IL31RA: variants seen among roughly 807,000 people sequenced by gnomAD.
IL31RA encodes interleukin 31 receptor A, also known as interleukin-31 receptor subunit alpha.
A neutral mutation model predicts 83.7 loss-of-function variants in IL31RA; 66 were observed. The ratio of observed to expected loss-of-function variants is 0.79; its 90% CI spans 0.65 to 0.97. The LOEUF is 0.97. Ranked by LOEUF, IL31RA falls within the 50% of genes least tolerant of loss-of-function variation. The pLI, the probability that IL31RA is intolerant of heterozygous loss-of-function variation, is 0.00. For synonymous variants in IL31RA, 325 were observed against 329.0 expected (o/e 0.99, Z 0.13); for missense variants, 798 against 919.4 (o/e 0.87, Z 1.71).
Position 55,906,185 on chromosome 5 carries a change from C to G in IL31RA, c.1149C>G (p.Asp383Glu). ...TGAAGTGGCAAAGCTCTGCTCTAGA[C>G]GTGAACACTTGGATGATTGAATGGT... ...LVVKWQSSAL[D>E]VNTWMIEWFP... Residue 383 changes from aspartate to glutamate, a missense_variant, in exon 9 of 15, where the codon GAC (aspartate) becomes GAG (glutamate). Coordinates refer to ENST00000652347, the MANE Select transcript of IL31RA (RefSeq NM_139017.7). The G allele has an allele frequency of 6.2e-7, 1 of 1,614,024 alleles. No individual in the cohort carries two copies. Among genetic ancestry groups the G allele is most frequent in the African/African-American group, 1.3e-5 (1 of 74,934 alleles).
intron 2 of IL31RA, among the ~76,000 whole-genome samples, chr5:55,867,219 GTT>G (rs1410538212): frequency 1.9e-4 from 24 of 123,364 alleles, no homozygotes; most frequent in African/African-American, 3.5e-4. Context: ...GCGCATGTGT[GTT>G]TGTGTGTGTG....
chr5:55,889,704 A>G (rs1243673448), intron 5 of IL31RA, among the ~76,000 whole-genome samples: 3 of 152,208 alleles, frequency 2.0e-5, no homozygotes, highest in Non-Finnish European at 4.4e-5. Flanking sequence ...CACCCAGACC[A>G]GGCCAGAGGC....
chr5:55,868,281 G>A (rs1306305423), intron 2 of IL31RA, among the ~76,000 whole-genome samples: 1 of 152,172 alleles, frequency 6.6e-6, no homozygotes, highest in Non-Finnish European at 1.5e-5. Context: ...ATGGGGTGGG[G>A]AGCTCTCAGG....
chr5:55,887,917 G>A (rs1747733262), intron 5 of IL31RA, among the ~76,000 whole-genome samples: 1 of 151,702 alleles, frequency 6.6e-6, no homozygotes, highest in African/African-American at 2.4e-5. Flanking sequence ...CGGCGTGGTG[G>A]TGCGGACCTG....
intron 6 of IL31RA, among the ~76,000 whole-genome samples, chr5:55,893,996 G>A (rs144082640): frequency 6.6e-6 from 1 of 151,766 alleles, no homozygotes; most frequent in Admixed American, 6.6e-5. Flanking sequence ...CTAAATCCAA[G>A]AAGAATTTCA....
chr5:55,908,552 G>A, intron 11 of IL31RA, 141 bp downstream of exon 11: 1 of 1,572,316 alleles, frequency 6.4e-7, no homozygotes, highest in South Asian at 1.2e-5. Flanking sequence ...AAATCTCTCT[G>A]AAAATGGGGC....
chr5:55,865,483 C>A (rs1745998510), intron 2 of IL31RA, among the ~76,000 whole-genome samples: 1 of 152,094 alleles, frequency 6.6e-6, no homozygotes, highest in Non-Finnish European at 1.5e-5. Context: ...GTTCATAGAC[C>A]AAATACATGA....
chr5:55,920,309 T>TC lies in IL31RA; in HGVS notation c.*3191dup, dbSNP rs1750028203. Among the ~76,000 whole-genome samples the TC allele has an allele frequency of 6.6e-6, 1 of 152,220 alleles. No homozygotes were observed. The highest frequency in any genetic ancestry group is 1.5e-5 in the Non-Finnish European group (1 of 68,030). On this transcript the variant is annotated 3_prime_UTR_variant, in exon 15 of 15. Coordinates refer to ENST00000652347, the MANE Select transcript of IL31RA (RefSeq NM_139017.7). Reference sequence around the variant, plus strand: ...CCATTTCCAGCACGCCCCTAGTTACTCCTGCTGCAGCAGGCACCCTGCCAC... The same window carrying TC: ...CCATTTCCAGCACGCCCCTAGTTACTCCCTGCTGCAGCAGGCACCCTGCCAC...
Position 55,919,636 on chromosome 5 carries a change from T to G in IL31RA, c.*2516T>G, listed in dbSNP as rs960605192. Among the ~76,000 whole-genome samples, 1 of 152,196 alleles carries G rather than the reference T, an allele frequency of 6.6e-6. No homozygotes were observed. Among genetic ancestry groups the G allele is most frequent in the Non-Finnish European group, 1.5e-5 (1 of 68,040 alleles). ...TTTCTCCCCTTCCATCAGCCTCCTT[T>G]GATCATTTTCCATGGTTTTATTACC... On this transcript the variant is annotated 3_prime_UTR_variant, in exon 15 of 15. Coordinates refer to ENST00000652347, the MANE Select transcript of IL31RA (RefSeq NM_139017.7).
At chr5:55,884,379 G>A (rs1747448765) in intron 5 of IL31RA, among the ~76,000 whole-genome samples, 1 of 152,146 alleles carries the variant, frequency 6.6e-6, no homozygotes, top group South Asian at 2.1e-4. Flanking sequence ...ATATTCTGCA[G>A]TTTCCATCAA....
rs1409742964 is a variant in IL31RA, at chr5:55,903,948, C to T, written c.1070-2158C>T. On this transcript the variant is annotated intron_variant, in intron 8 of 14. Transcript: ENST00000652347. The surrounding 1 kb of genome is among the most constrained non-coding windows in gnomAD (Gnocchi z 4.7). The stretch of plus-strand genomic sequence containing the variant: ...CTAAAGTCTCTAGGGGAGAATCCTT[C>T]CTTACCCCTTCCAGCTTGTAGTGGC... Among the ~76,000 whole-genome samples, 1 of 152,170 alleles carries T rather than the reference C, an allele frequency of 6.6e-6. No individual in the cohort carries two copies. The highest frequency in any genetic ancestry group is 1.5e-5 in the Non-Finnish European group (1 of 68,038).
In IL31RA at chr5:55,917,014, A is replaced by T; in HGVS notation, c.2189A>T (p.His730Leu). ...TCTGGTCAAAGTTTAGTACCAGATC[A>T]TCTGTGTGAGGAAGGAGCCCCAAAT... Reference protein sequence around the residue: ...LFSGQSLVPDHLCEEGAPNPY... With the variant: ...LFSGQSLVPDLLCEEGAPNPY... The change falls in exon 15 of 15, where the codon CAT becomes CTT. Residue 730 changes from histidine (H) to leucine (L), a missense_variant. Transcript: ENST00000652347. The T allele has an allele frequency of 6.2e-7, 1 of 1,614,238 alleles. No individual in the cohort carries two copies. The highest frequency in any genetic ancestry group is 8.5e-7 in the Non-Finnish European group (1 of 1,180,042).
intron 2 of IL31RA, among the ~76,000 whole-genome samples, chr5:55,867,085 TTGTG>T (rs758628114): frequency 2.3e-5 from 2 of 87,620 alleles, no homozygotes; most frequent in Non-Finnish European, 5.8e-5. Context: ...GCATGTGTGT[TTGTG>T]TGTGTGTGTT....
At chr5:55,849,144 A>G (rs1047782679), upstream of IL31RA, among the ~76,000 whole-genome samples, 1 of 152,168 alleles carries the variant, frequency 6.6e-6, no homozygotes, top group African/African-American at 2.4e-5. Context: ...CACGAATAAC[A>G]GCAATACAGT....
At chr5:55,850,051 T>C (rs1745016463), upstream of IL31RA, among the ~76,000 whole-genome samples, 1 of 152,230 alleles carries the variant, frequency 6.6e-6, no homozygotes, top group Non-Finnish European at 1.5e-5. Context: ...AATTGATCCA[T>C]TGCTTTCTAA....
At chr5:55,888,983 C>T (rs774230630) in intron 5 of IL31RA, among the ~76,000 whole-genome samples, 1 of 152,218 alleles carries the variant, frequency 6.6e-6, no homozygotes, top group Non-Finnish European at 1.5e-5. Flanking sequence ...AGTATCAGGA[C>T]TTCCTTCTCT....
chr5:55,877,682 C>A (rs1299513241), intron 4 of IL31RA, among the ~76,000 whole-genome samples: 1 of 152,150 alleles, frequency 6.6e-6, no homozygotes, highest in Non-Finnish European at 1.5e-5. Context: ...GCCTTCTGGG[C>A]TCTAAGGTTT....
At chr5:55,860,435 C>T (rs187364098) in intron 2 of IL31RA, among the ~76,000 whole-genome samples, 16 of 152,016 alleles carry the variant, frequency 1.1e-4, no homozygotes, top group African/African-American at 3.9e-4. Context: ...CTGCACTCAC[C>T]CATTTTCAGA....
In IL31RA at chr5:55,879,351, T is replaced by A. The variant is rs147698015; in HGVS notation, c.455-3693T>A. ...CTTTGAAGGTGACTTTGTCTTGATT[T>A]GGTGTTTATAATGGTTATAAACCTT... On this transcript the variant is annotated intron_variant, in intron 4 of 14. Coordinates refer to ENST00000652347, the MANE Select transcript of IL31RA (RefSeq NM_139017.7). Among the ~76,000 whole-genome samples the A allele has an allele frequency of 2.4e-3, 372 of 151,912 alleles. 6 individuals carry two copies. The highest frequency in any genetic ancestry group is 8.3e-3 in the African/African-American group (345 of 41,392).
Sources: allele counts gnomAD v4.1 joint callset (sites outside exome capture counted in the v4.1 genomes callset), GRCh38; gene constraint gnomAD v4.1.1; non-coding constraint Gnocchi (gnomAD v3.1); transcripts MANE v1.5; gene names NCBI Gene and HGNC (gene_info 2026-07-23, HGNC 2026-07-21).